Variants in CPPED1 observed in about 807,000 individuals in gnomAD.
CPPED1 encodes serine/threonine-protein phosphatase CPPED1.
CPPED1 carries 28 observed loss-of-function variants against 28.0 expected under a neutral mutation model. That is an observed-to-expected ratio of 1.00 (90% CI 0.74 to 1.37). CPPED1 has a LOEUF of 1.37. Among genes scored for constraint, CPPED1 ranks in the 40% most tolerant of loss-of-function variants. CPPED1 has a pLI of 0.00. For synonymous variants in CPPED1, 198 were observed against 180.2 expected, an observed-to-expected ratio of 1.10 and a Z score of -0.79; for missense variants, 504 against 416.5, an observed-to-expected ratio of 1.21 and a Z score of -1.83.
intron 2 of CPPED1, among the ~76,000 whole-genome samples, chr16:12,744,432 TGGGTTTACCCTCCTGC>T (rs2080274218): frequency 6.6e-6 from 1 of 152,156 alleles, no homozygotes; most frequent in Non-Finnish European, 1.5e-5. Flanking sequence ...GAACACACAC[TGGGTTTACCCTCCTGC>T]CTGGAAGAAT....
chr16:12,788,723 G>A (rs1431780142), intron 1 of CPPED1, among the ~76,000 whole-genome samples: 1 of 152,196 alleles, frequency 6.6e-6, no homozygotes, highest in African/African-American at 2.4e-5. Flanking sequence ...GATGAAGACA[G>A]AACATGCTCT....
intron 2 of CPPED1, among the ~76,000 whole-genome samples, chr16:12,736,999 G>A (rs1220737049): frequency 6.6e-6 from 1 of 152,012 alleles, no homozygotes; most frequent in Non-Finnish European, 1.5e-5. Flanking sequence ...AGACCAGCCT[G>A]GCTAACATGG....
At chr16:12,780,971 TG>T (rs1463350354) in intron 2 of CPPED1, 81 of 575,864 alleles carry the variant, frequency 1.4e-4, no homozygotes, top group African/African-American at 1.3e-3. Flanking sequence ...GAACTGTAGC[TG>T]TGCCTAATTA....
At chr16:12,711,832 T>G (rs2080081617) in intron 2 of CPPED1, among the ~76,000 whole-genome samples, 1 of 152,140 alleles carries the variant, frequency 6.6e-6, no homozygotes, top group East Asian at 1.9e-4. Context: ...TTATGGAAAT[T>G]CTGTGAGATA....
chr16:12,679,089 A>T (rs1238984532), intron 3 of CPPED1, among the ~76,000 whole-genome samples: 10 of 152,210 alleles, frequency 6.6e-5, no homozygotes, highest in Admixed American at 6.5e-4. Flanking sequence ...TTCTTTGGTG[A>T]TCTCACAAAA....
intron 2 of CPPED1, among the ~76,000 whole-genome samples, chr16:12,770,191 C>T (rs2080461782): frequency 6.6e-6 from 1 of 152,146 alleles, no homozygotes; most frequent in Non-Finnish European, 1.5e-5. Context: ...AGATGTTCCC[C>T]AGAGAACTGC....
intron 1 of CPPED1, among the ~76,000 whole-genome samples, chr16:12,792,859 T>C (rs1361052684): frequency 1.3e-5 from 2 of 152,160 alleles, no homozygotes; most frequent in African/African-American, 4.8e-5. Flanking sequence ...TGTCAGTCCA[T>C]TAAACCTCTT....
intron 2 of CPPED1, among the ~76,000 whole-genome samples, chr16:12,750,633 AT>A (rs2080321543): frequency 6.6e-6 from 1 of 152,200 alleles, no homozygotes; most frequent in African/African-American, 2.4e-5. Context: ...AGTTCAAAAT[AT>A]TGCAAGAATT....
chr16:12,683,123 G>C (rs2079914348), intron 3 of CPPED1, among the ~76,000 whole-genome samples: 3 of 152,226 alleles, frequency 2.0e-5, no homozygotes, highest in Middle Eastern at 3.2e-3. Context: ...ACTTGAGCCA[G>C]GGAAAGCCAA....
chr16:12,665,149 A>G, intron 3 of CPPED1, 34 bp from the exon 4 acceptor site: 2 of 1,575,774 alleles, frequency 1.3e-6, no homozygotes, highest in Non-Finnish European at 1.7e-6. Context: ...TAGGGGGCCG[A>G]GGACTTCCAT....
intron 3 of CPPED1, among the ~76,000 whole-genome samples, chr16:12,689,217 CTTTTTTT>C (rs869107040): frequency 2.5e-3 from 213 of 83,586 alleles, no homozygotes; most frequent in African/African-American, 4.5e-3. Context: ...GAAAAGAGGG[CTTTTTTT>C]TTTTTTTTTT....
intron 1 of CPPED1, among the ~76,000 whole-genome samples, chr16:12,789,868 T>G (rs2080586245): frequency 6.6e-6 from 1 of 152,184 alleles, no homozygotes; most frequent in African/African-American, 2.4e-5. Flanking sequence ...AAATTAACTT[T>G]GAAACACTTT....
chr16:12,769,621 G>A (rs894187815), intron 2 of CPPED1, among the ~76,000 whole-genome samples: 17 of 152,118 alleles, frequency 1.1e-4, no homozygotes, highest in African/African-American at 3.9e-4. Flanking sequence ...GCAGAAGGGC[G>A]GCATTGTCAC....
chr16:12,793,040 T>C (rs1198705686), intron 1 of CPPED1, among the ~76,000 whole-genome samples: 1 of 152,176 alleles, frequency 6.6e-6, no homozygotes, highest in Non-Finnish European at 1.5e-5. Flanking sequence ...TGTAGGCAGA[T>C]GCAGCTTGGC....
At chr16:12,774,994 A>G (rs559941690) in intron 2 of CPPED1, among the ~76,000 whole-genome samples, 1 of 151,994 alleles carries the variant, frequency 6.6e-6, no homozygotes, top group South Asian at 2.1e-4. Context: ...ATAATTTTCT[A>G]TTTTTTGTAT....
chr16:12,795,378 G>T (rs1050671140), intron 1 of CPPED1, among the ~76,000 whole-genome samples: 2 of 151,974 alleles, frequency 1.3e-5, no homozygotes, highest in Admixed American at 1.3e-4. Context: ...CTCGCTCTGT[G>T]GCCCAGCCTG....
chr16:12,721,522 G>A (rs1031504678), intron 2 of CPPED1, among the ~76,000 whole-genome samples: 1 of 152,116 alleles, frequency 6.6e-6, no homozygotes, highest in African/African-American at 2.4e-5. Context: ...GGAGGCTGAG[G>A]CAGGCGCATC....
intron 2 of CPPED1, among the ~76,000 whole-genome samples, chr16:12,731,961 G>C (rs953822276): frequency 6.6e-6 from 1 of 151,882 alleles, no homozygotes; most frequent in Admixed American, 6.6e-5. Flanking sequence ...TCAGGTGTTG[G>C]AGACCAGCCT....
rs1389858226 is a variant in CPPED1 at position 12,670,324 on chromosome 16, C to T, written c.716-5209G>A. On this transcript the variant is annotated intron_variant, in intron 3 of 3. Transcript: ENST00000381774. The surrounding 1 kb of genome is among the most constrained non-coding windows in gnomAD (Gnocchi z 4.2). ...CAAACAAATAAAAACTTTGCAAGAC[C>T]ATAATAATAAACTACTGAATAAATA... Among the ~76,000 whole-genome samples, 1 of 151,940 alleles carries T rather than the reference C, an allele frequency of 6.6e-6. No homozygotes were observed. Among genetic ancestry groups the T allele is most frequent in the Non-Finnish European group, 1.5e-5 (1 of 67,982 alleles).
Sources: allele counts gnomAD v4.1 joint callset (sites outside exome capture counted in the v4.1 genomes callset), GRCh38; gene constraint gnomAD v4.1.1; non-coding constraint Gnocchi (gnomAD v3.1); transcripts MANE v1.5; gene names NCBI Gene and HGNC (gene_info 2026-07-23, HGNC 2026-07-21).